The following DRD4 variants were observed in gnomAD, a reference collection of about 807,000 sequenced individuals.
The protein encoded by DRD4 is D(4) dopamine receptor.
DRD4 carries 26 observed loss-of-function variants against 22.1 expected under a neutral mutation model. The observed-to-expected ratio is 1.17, with a 90% CI of 0.86 to 1.63. DRD4 has a LOEUF of 1.63. Among genes scored for constraint, DRD4 ranks in the 40% most tolerant of loss-of-function variants. The pLI, the probability that DRD4 is intolerant of heterozygous loss-of-function variation, is 0.00. For missense variants in DRD4, 913 were observed against 632.4 expected (o/e 1.44, Z -4.76); for synonymous variants, 455 against 306.7 (o/e 1.48, Z -5.05).
In DRD4 at chr11:639,989, C is replaced by G; in HGVS notation, c.740C>G (p.Thr247Arg). ...AGCGGCCCTGGCCCGCCTTCCCCCA[C>G]GCCACCCGCGCCCCGCCTCCCCCAG... ...RPSGPGPPSP[T>R]PPAPRLPQDP... Residue 247 changes from threonine to arginine, a missense_variant, in exon 3 of 4, where the codon ACG becomes AGG. Coordinates refer to ENST00000176183, the MANE Select transcript of DRD4 (RefSeq NM_000797.4). The G allele has an allele frequency of 7.6e-7, 1 of 1,323,918 alleles. No individual in the cohort carries two copies. The highest frequency in any genetic ancestry group is 9.5e-7 in the Non-Finnish European group (1 of 1,047,920). The allele number at this position is 1,323,918 out of a possible 1,614,324, so 82.0% of individuals were successfully genotyped here.
intron 3 of DRD4, 41 bp downstream of exon 3, chr11:640,347 G>T (rs552947350): frequency 5.0e-5 from 78 of 1,548,336 alleles, no homozygotes; most frequent in East Asian, 7.0e-5. Flanking sequence ...GAGGAGGGGG[G>T]GGGTACGAGG....
chr11:637,349 G>A lies in DRD4; in HGVS notation c.45G>A (p.Gly15=). ...STADADGLLA[G]RGPAAGASAG... ...CGGACGCGGACGGGCTGCTGGCTGG[G>A]CGCGGGCCGGCCGCGGGGGCATCTG... Residue 15 remains glycine (G), a synonymous_variant, in exon 1 of 4, where the codon GGG becomes GGA. Coordinates refer to ENST00000176183, the MANE Select transcript of DRD4 (RefSeq NM_000797.4). 7.7e-7 allele frequency: 1 copy of A among 1,290,956 alleles called. No individual in the cohort carries two copies. Among genetic ancestry groups the A allele is most frequent in the East Asian group, 3.3e-5 (1 of 30,614 alleles). The allele number at this position is 1,290,956 out of a possible 1,614,324, so 80.0% of individuals were successfully genotyped here.
In DRD4 at chr11:637,547, C is replaced by A. The variant is rs1163867504; in HGVS notation, c.243C>A (p.Leu81=). The A allele has an allele frequency of 6.6e-7, 1 of 1,523,846 alleles. No homozygotes were observed. The highest frequency in any genetic ancestry group is 2.4e-5 in the East Asian group (1 of 42,294). The allele number at this position is 1,523,846 out of a possible 1,614,324, so 94.4% of individuals were successfully genotyped here. A position where few individuals can be genotyped will look rare whatever the true frequency, so the allele number is the denominator to read the frequency against. ...TCGTGAGCCTGGCGGCCGCCGACCTCCTCCTCGCTCTCCTGGTGCTGCCGC... is the reference window on the plus strand; with the variant it reads ...TCGTGAGCCTGGCGGCCGCCGACCTACTCCTCGCTCTCCTGGTGCTGCCGC... ...SFIVSLAAAD[L]LLALLVLPLF... Residue 81 remains leucine, a synonymous_variant, in exon 1 of 4, where the codon CTC becomes CTA. Transcript: ENST00000176183.
rs1444051755 is a variant in DRD4, at chr11:639,663, C to G, written c.414C>G (p.Ala138=). 3.4e-6 allele frequency: 5 copies of G among 1,463,282 alleles called. No individual in the cohort carries two copies. The highest frequency in any genetic ancestry group is 4.5e-6 in the Non-Finnish European group (5 of 1,111,938). The allele number at this position is 1,463,282 out of a possible 1,614,324, so 90.6% of individuals were successfully genotyped here. The change falls in exon 3 of 4, where the codon GCC becomes GCG. Residue 138 remains alanine (A), a synonymous_variant. Transcript: ENST00000176183. ...CTCCCCGCAGGTTCGTGGCCGTGGC[C>G]GTGCCGCTGCGCTACAACCGGCAGG... is the stretch of plus-strand genomic sequence containing the variant. ...AISVDRFVAV[A]VPLRYNRQGG... is the part of the protein sequence containing the mutation.
Position 639,582 on chromosome 11 carries a change from G to A in DRD4, c.398+37G>A, listed in dbSNP as rs1429651031. On this transcript the variant is annotated intron_variant, in intron 2 of 3. Coordinates refer to ENST00000176183, the MANE Select transcript of DRD4 (RefSeq NM_000797.4). Reference sequence around the variant, plus strand: ...TCCCCGCCCGCGCCCCGGCGCCCCCGCGCCCCGCCCGCCGCCCTCACCGCG... The same window carrying A: ...TCCCCGCCCGCGCCCCGGCGCCCCCACGCCCCGCCCGCCGCCCTCACCGCG... 12 of 1,326,362 alleles carry A rather than the reference G, an allele frequency of 9.0e-6. No homozygotes were observed. The East Asian group carries it at 3.8e-4, about 42-fold the overall frequency. The allele number at this position is 1,326,362 out of a possible 1,614,324, so 82.2% of individuals were successfully genotyped here. A position where few individuals can be genotyped will look rare whatever the true frequency, so the allele number is the denominator to read the frequency against.
chr11:640,054 CTT>C lies in DRD4; in HGVS notation c.806_807del (p.Leu269ProfsTer180). On this transcript the variant is annotated frameshift_variant, in exon 3 of 4. Coordinates refer to ENST00000176183, the MANE Select transcript of DRD4 (RefSeq NM_000797.4). LOFTEE classifies it high-confidence loss of function. ...CGACTGTGCGCCCCCCGCGCCCGGC[CTT>C]CCCCGGGGTCCCTGCGGCCCCGACT... ...GPDCAPPAPG[L>X]PRGPCGPDCA... 5 of 1,173,704 alleles carry C rather than the reference CTT, an allele frequency of 4.3e-6. No homozygotes were observed. The highest frequency in any genetic ancestry group is 3.9e-5 in the East Asian group (1 of 25,598). 72.7% of individuals were successfully genotyped at this position (1,173,704 alleles called of 1,614,324 possible). A position where few individuals can be genotyped will look rare whatever the true frequency, so the allele number is the denominator to read the frequency against.
intron 1 of DRD4, chr11:639,169 C>T (rs1002000516): frequency 1.4e-5 from 7 of 505,268 alleles, no homozygotes; most frequent in African/African-American, 3.9e-5. Flanking sequence ...GTGGGAGGAT[C>T]GCTTGAGCTC....
Position 639,994 on chromosome 11 carries a change from C to T in DRD4, c.745C>T (p.Pro249Ser), listed in dbSNP as rs1858177298. Residue 249 changes from proline to serine, a missense_variant, in exon 3 of 4, where the codon CCC (proline) becomes TCC (serine). Coordinates refer to ENST00000176183, the MANE Select transcript of DRD4 (RefSeq NM_000797.4). ...SGPGPPSPTP[P>S]APRLPQDPCG... Reference sequence around the variant, plus strand: ...CCCTGGCCCGCCTTCCCCCACGCCACCCGCGCCCCGCCTCCCCCAGGACCC... The same window carrying T: ...CCCTGGCCCGCCTTCCCCCACGCCATCCGCGCCCCGCCTCCCCCAGGACCC... The T allele has an allele frequency of 7.6e-7, 1 of 1,316,840 alleles. No homozygotes were observed. Among genetic ancestry groups the T allele is most frequent in the Admixed American group, 4.2e-5 (1 of 23,770 alleles). The allele number at this position is 1,316,840 out of a possible 1,614,324, so 81.6% of individuals were successfully genotyped here. A position where few individuals can be genotyped will look rare whatever the true frequency, so the allele number is the denominator to read the frequency against.
chr11:638,864 G>A (rs925319124), intron 1 of DRD4, among the ~76,000 whole-genome samples: 9 of 152,210 alleles, frequency 5.9e-5, no homozygotes, highest in African/African-American at 2.2e-4. Context: ...GGGAGGCAAA[G>A]GCAGGAGGAT....
chr11:638,509 T>C (rs1858120313), intron 1 of DRD4, among the ~76,000 whole-genome samples: 1 of 152,146 alleles, frequency 6.6e-6, no homozygotes, highest in South Asian at 2.1e-4. Flanking sequence ...TCACTCCACG[T>C]GGAGTCCTAC....
chr11:638,014 C>G (rs982482988), intron 1 of DRD4, among the ~76,000 whole-genome samples: 5 of 152,168 alleles, frequency 3.3e-5, no homozygotes, highest in African/African-American at 1.2e-4. Flanking sequence ...CTGCCACAGC[C>G]ACTGCCCACC....
Position 639,769 on chromosome 11 carries a change from C to T in DRD4, c.520C>T (p.Leu174Phe). The T allele has an allele frequency of 6.3e-7, 1 of 1,575,882 alleles. No individual in the cohort carries two copies. Among genetic ancestry groups the T allele is most frequent in the Middle Eastern group, 2.1e-4 (1 of 4,790 alleles). ...GGTGGCGGCGCCCGTACTGTGCGGC[C>T]TCAACGACGTGCGCGGCCGCGACCC... Reference protein sequence around the residue: ...AAVAAPVLCGLNDVRGRDPAV... With the variant: ...AAVAAPVLCGFNDVRGRDPAV... The change falls in exon 3 of 4, where the codon CTC (leucine) becomes TTC (phenylalanine). Residue 174 changes from leucine to phenylalanine, a missense_variant. By Grantham distance (22) the Leu-to-Phe change is conservative. Transcript: ENST00000176183.
rs774515243 is a variant in DRD4, at chr11:640,494, C to T, written c.1151C>T (p.Ala384Val). Residue 384 changes from alanine to valine, a missense_variant, in exon 4 of 4, where the codon GCC becomes GTC. By Grantham distance (64) the Ala-to-Val change is moderately conservative (BLOSUM62 0). Transcript: ENST00000176183. ...TCCGTGCCCCCGCGGCTGGTCAGCG[C>T]CGTCACCTGGCTGGGCTACGTCAAC... is the stretch of plus-strand genomic sequence containing the variant. ...ACSVPPRLVS[A>V]VTWLGYVNSA... The T allele has an allele frequency of 6.9e-6, 11 of 1,602,004 alleles. No individual in the cohort carries two copies. In the South Asian group the frequency reaches 7.7e-5, roughly 11 times the overall value.
intron 1 of DRD4, 21 bp downstream of exon 1, chr11:637,610 C>T (rs757513097): frequency 1.6e-5 from 25 of 1,540,616 alleles, no homozygotes; most frequent in Middle Eastern, 1.8e-4. Flanking sequence ...TCCGGCCGCA[C>T]GAGCATCCTC....
rs529657556 is a variant in DRD4, at chr11:639,766, G to T, written c.517G>T (p.Gly173Cys). The part of the protein sequence containing the change: ...SAAVAAPVLC[G>C]LNDVRGRDPA... ...GGCGGTGGCGGCGCCCGTACTGTGCGGCCTCAACGACGTGCGCGGCCGCGA... is the reference window on the plus strand; with the variant it reads ...GGCGGTGGCGGCGCCCGTACTGTGCTGCCTCAACGACGTGCGCGGCCGCGA... Residue 173 changes from glycine to cysteine, a missense_variant, in exon 3 of 4, where the codon GGC becomes TGC. By Grantham distance (159) the Gly-to-Cys change is radical. Transcript: ENST00000176183. The T allele has an allele frequency of 2.5e-6, 4 of 1,572,766 alleles. No homozygotes were observed. Among genetic ancestry groups the T allele is most frequent in the Non-Finnish European group, 2.6e-6 (3 of 1,168,656 alleles).
rs775361632 is a variant in DRD4, at chr11:639,914, G to C, written c.665G>C (p.Trp222Ser). ...YWATFRGLQR[W>S]EVARRAKLHG... Reference sequence around the variant, plus strand: ...GCCACGTTCCGCGGCCTGCAGCGCTGGGAGGTGGCACGTCGCGCCAAGCTG... The same window carrying C: ...GCCACGTTCCGCGGCCTGCAGCGCTCGGAGGTGGCACGTCGCGCCAAGCTG... The change falls in exon 3 of 4, where the codon TGG (tryptophan) becomes TCG (serine). Residue 222 changes from tryptophan to serine, a missense_variant. By Grantham distance (177) the Trp-to-Ser change is radical. Transcript: ENST00000176183. The C allele has an allele frequency of 1.9e-6, 3 of 1,556,080 alleles. No individual in the cohort carries two copies. The highest frequency in any genetic ancestry group is 3.6e-5 in the Admixed American group (2 of 55,988).
At chr11:638,425 G>A (rs1364758796) in intron 1 of DRD4, among the ~76,000 whole-genome samples, 2 of 152,216 alleles carry the variant, frequency 1.3e-5, no homozygotes, top group Non-Finnish European at 2.9e-5. Context: ...CAGTGACGAC[G>A]TTTAAGCTCC....
intron 1 of DRD4, 75 bp from the exon 2 acceptor site, chr11:639,357 AC>A (rs1241765388): frequency 9.0e-6 from 12 of 1,329,336 alleles, no homozygotes; most frequent in African/African-American, 1.6e-5. Context: ...CCCTGGAACT[AC>A]CCATAAGAGT....
Position 640,058 on chromosome 11 carries a change from C to T in DRD4, c.809C>T (p.Pro270Leu), listed in dbSNP as rs1858182555. Residue 270 changes from proline to leucine, a missense_variant, in exon 3 of 4, where the codon CCC becomes CTC. By Grantham distance (98) the Pro-to-Leu change is moderately conservative. Transcript: ENST00000176183. ...PDCAPPAPGL[P>L]RGPCGPDCAP... is the part of the protein sequence containing the mutation. ...TGTGCGCCCCCCGCGCCCGGCCTTCCCCGGGGTCCCTGCGGCCCCGACTGT... is the reference window on the plus strand; with the variant it reads ...TGTGCGCCCCCCGCGCCCGGCCTTCTCCGGGGTCCCTGCGGCCCCGACTGT... The T allele has an allele frequency of 5.2e-6, 6 of 1,148,950 alleles. No homozygotes were observed. The highest frequency in any genetic ancestry group is 6.6e-6 in the Non-Finnish European group (6 of 914,972). 71.2% of individuals were successfully genotyped at this position (1,148,950 alleles called of 1,614,324 possible).
Sources: allele counts gnomAD v4.1 joint callset (sites outside exome capture counted in the v4.1 genomes callset), GRCh38; gene constraint gnomAD v4.1.1; transcripts MANE v1.5; gene names NCBI Gene and HGNC (gene_info 2026-07-23, HGNC 2026-07-21).